NRG3: variants seen among roughly 807,000 people sequenced by gnomAD.
NRG3 encodes the protein pro-neuregulin-3, membrane-bound isoform.
A neutral mutation model predicts 66.9 loss-of-function variants in NRG3; 31 were observed. The observed-to-expected ratio is 0.46, with a 90% confidence interval of 0.35 to 0.63. The LOEUF is 0.63. Among genes scored for constraint, NRG3 ranks in the 20% least tolerant of loss-of-function variants. NRG3 has a pLI of 0.00. For missense variants in NRG3, 910 were observed against 878.9 expected (o/e 1.04, Z -0.45); for synonymous variants, 393 against 359.4 (o/e 1.09, Z -1.06).
intron 2 of NRG3, among the ~76,000 whole-genome samples, chr10:82,379,264 G>A (rs1037500053): frequency 1.3e-5 from 2 of 152,076 alleles, no homozygotes; most frequent in Non-Finnish European, 2.9e-5. Context: ...CAAGTCTAAC[G>A]AAGTCTAGCC....
chr10:81,995,416 C>T lies in NRG3; in HGVS notation c.823+119253C>T, dbSNP rs146370898. ...CACTTGGTTTCATGCATGTTGTGGCCGGAATGCATGTTTACTATGGAATGC... is the reference window on the plus strand; with the variant it reads ...CACTTGGTTTCATGCATGTTGTGGCTGGAATGCATGTTTACTATGGAATGC... On this transcript the variant is annotated intron_variant, in intron 1 of 8. Transcript: ENST00000372141. Among the ~76,000 whole-genome samples the T allele has an allele frequency of 4.4e-3, 667 of 152,208 alleles. 1 individual carries two copies. Among genetic ancestry groups the T allele is most frequent in the Middle Eastern group, 0.01 (3 of 294 alleles).
chr10:82,882,025 A>T (rs1277442819), intron 4 of NRG3, among the ~76,000 whole-genome samples: 2 of 152,000 alleles, frequency 1.3e-5, no homozygotes, highest in East Asian at 3.9e-4. Flanking sequence ...ACCTCATCTC[A>T]TCTACTCATG....
chr10:82,235,717 G>T (rs927461272), intron 1 of NRG3, among the ~76,000 whole-genome samples: 2 of 152,122 alleles, frequency 1.3e-5, no homozygotes, highest in African/African-American at 2.4e-5. Flanking sequence ...TACTAGTGTG[G>T]CATTGTGTAA....
chr10:81,921,279 T>G (rs773848684), intron 1 of NRG3, among the ~76,000 whole-genome samples: 2 of 152,092 alleles, frequency 1.3e-5, no homozygotes, highest in Non-Finnish European at 2.9e-5. Context: ...ATTTGTATAT[T>G]CTTGATTGTG....
intron 3 of NRG3, among the ~76,000 whole-genome samples, chr10:82,844,021 TC>T (rs2063190678): frequency 6.7e-6 from 1 of 148,342 alleles, no homozygotes; most frequent in African/African-American, 2.6e-5. Flanking sequence ...GTTAAATAGA[TC>T]TATATATAAA....
At chr10:82,921,250 G>A (rs1846394240) in intron 4 of NRG3, among the ~76,000 whole-genome samples, 1 of 152,034 alleles carries the variant, frequency 6.6e-6, no homozygotes. Context: ...TCCCGATTGA[G>A]GAACATTCTA....
intron 1 of NRG3, among the ~76,000 whole-genome samples, chr10:82,344,469 G>T (rs982319252): frequency 2.0e-5 from 3 of 148,806 alleles, no homozygotes; most frequent in Non-Finnish European, 2.9e-5. Context: ...ATCATTGTTG[G>T]ACATTTGGGT....
chr10:82,233,308 TGA>T (rs2076585925), intron 1 of NRG3, among the ~76,000 whole-genome samples: 1 of 152,106 alleles, frequency 6.6e-6, no homozygotes, highest in Admixed American at 6.5e-5. Context: ...GAGCTTGCAG[TGA>T]CCCAAGATGG....
chr10:82,652,891 A>C lies in NRG3; in HGVS notation c.954-85686A>C, dbSNP rs1216777560. ...ATAAATGTGTTGTTTTAAGCTGCTG[A>C]GTTTTGGGTTATTTATGCAGCAATA... On this transcript the variant is annotated intron_variant, in intron 2 of 8. Transcript: ENST00000372141. Among the ~76,000 whole-genome samples the C allele has an allele frequency of 2.0e-5, 3 of 152,258 alleles. No individual in the cohort carries two copies. In the South Asian group the frequency reaches 6.2e-4, roughly 32 times the overall value.
At chr10:82,282,022 C>T (rs1045182202) in intron 1 of NRG3, among the ~76,000 whole-genome samples, 1 of 151,942 alleles carries the variant, frequency 6.6e-6, no homozygotes, top group African/African-American at 2.4e-5. Flanking sequence ...GTATTCCAAG[C>T]CTGTGCTTAT....
intron 1 of NRG3, among the ~76,000 whole-genome samples, chr10:82,001,730 A>T (rs1368402704): frequency 6.6e-6 from 1 of 152,202 alleles, no homozygotes; most frequent in Non-Finnish European, 1.5e-5. Context: ...CTGATTTCAA[A>T]AAAAGTTACC....
Position 82,987,069 on chromosome 10 carries a change from G to A in NRG3, c.*1464G>A, listed in dbSNP as rs1241448558. On this transcript the variant is annotated 3_prime_UTR_variant, in exon 9 of 9. Coordinates refer to ENST00000372141, the MANE Select transcript of NRG3 (RefSeq NM_001010848.4). ...TGTTTATTTACCCTCACTTTCATGG[G>A]ACATATGAGGAAATTAGTGTTCACA... 2.0e-5 allele frequency: 3 copies of A among 152,140 alleles called. No individual in the cohort carries two copies. Among genetic ancestry groups the A allele is most frequent in the Non-Finnish European group, 2.9e-5 (2 of 68,018 alleles). The allele number at this position is 152,140 out of a possible 1,614,324, so 9.4% of individuals were successfully genotyped here.
chr10:82,307,305 G>T (rs545855190), intron 1 of NRG3, among the ~76,000 whole-genome samples: 1 of 152,136 alleles, frequency 6.6e-6, no homozygotes, highest in East Asian at 1.9e-4. Flanking sequence ...TTATCTGTGA[G>T]AGATAAGTTA....
chr10:82,342,602 CT>C (rs1342894810), intron 1 of NRG3, among the ~76,000 whole-genome samples: 7 of 151,860 alleles, frequency 4.6e-5, no homozygotes, highest in African/African-American at 1.7e-4. Flanking sequence ...GTTTTGCCCC[CT>C]TTTTAATAGA....
intron 1 of NRG3, among the ~76,000 whole-genome samples, chr10:82,355,962 T>C (rs967157858): frequency 2.0e-5 from 3 of 152,230 alleles, no homozygotes; most frequent in Non-Finnish European, 4.4e-5. Flanking sequence ...AAAGTCATTG[T>C]GAAGGTTAAG....
intron 4 of NRG3, among the ~76,000 whole-genome samples, chr10:82,924,581 A>G (rs546332924): frequency 6.6e-6 from 1 of 151,464 alleles, no homozygotes; most frequent in South Asian, 2.1e-4. Context: ...CTCACATTAA[A>G]AAAAAAAAAA....
chr10:82,671,065 C>A (rs1040974224), intron 2 of NRG3, among the ~76,000 whole-genome samples: 1 of 152,200 alleles, frequency 6.6e-6, no homozygotes, highest in African/African-American at 2.4e-5. Context: ...TGACAATGAG[C>A]TTGGGACCCT....
In NRG3 at chr10:82,863,298, G is replaced by A. The variant is rs935946487; in HGVS notation, c.1028-2113G>A. ...GGGTTGGTTCCAAGTCTTTGCTATTGTAAATAGTGATGAAATGAACATACA... is the reference window on the plus strand; with the variant it reads ...GGGTTGGTTCCAAGTCTTTGCTATTATAAATAGTGATGAAATGAACATACA... On this transcript the variant is annotated intron_variant, in intron 3 of 8. Coordinates refer to ENST00000372141, the MANE Select transcript of NRG3 (RefSeq NM_001010848.4). Among the ~76,000 whole-genome samples, 5 of 152,104 alleles carry A rather than the reference G, an allele frequency of 3.3e-5. No individual in the cohort carries two copies. The East Asian group carries it at 9.6e-4, about 29-fold the overall frequency.
intron 2 of NRG3, among the ~76,000 whole-genome samples, chr10:82,553,087 A>C (rs1372479858): frequency 1.3e-5 from 2 of 152,102 alleles, no homozygotes; most frequent in African/African-American, 2.4e-5. Context: ...AAGAATGCAC[A>C]GTTTTACAAC....
Sources: allele counts gnomAD v4.1 joint callset (sites outside exome capture counted in the v4.1 genomes callset), GRCh38; gene constraint gnomAD v4.1.1; transcripts MANE v1.5; gene names NCBI Gene and HGNC (gene_info 2026-07-23, HGNC 2026-07-21).